BICC1: variants seen among roughly 807,000 people sequenced by gnomAD.
BICC1 encodes protein bicaudal C homolog 1.
In BICC1, 43 loss-of-function variants were observed where a neutral mutation model predicts 111.0. That is an observed-to-expected ratio of 0.39 (90% CI 0.30 to 0.50). The LOEUF is 0.50. Among genes scored for constraint, BICC1 ranks in the 20% least tolerant of loss-of-function variants. The pLI is 0.88. For synonymous variants in BICC1, 467 were observed against 434.4 expected (o/e 1.07, Z -0.93); for missense variants, 1,091 against 1,203.2 (o/e 0.91, Z 1.38).
chr10:58,766,812 G>C (rs1261507747), intron 3 of BICC1, among the ~76,000 whole-genome samples: 1 of 152,034 alleles, frequency 6.6e-6, no homozygotes, highest in Non-Finnish European at 1.5e-5. Flanking sequence ...CTTCTCACAG[G>C]GGGAAAGTTA....
chr10:58,824,407 A>G (rs1844337088), intron 20 of BICC1, among the ~76,000 whole-genome samples: 1 of 152,210 alleles, frequency 6.6e-6, no homozygotes, highest in Non-Finnish European at 1.5e-5. Flanking sequence ...CTTCTCTCCT[A>G]AGACCTATAT....
At chr10:58,810,115 A>G (rs1392159308) in intron 17 of BICC1, among the ~76,000 whole-genome samples, 1 of 152,220 alleles carries the variant, frequency 6.6e-6, no homozygotes, top group Non-Finnish European at 1.5e-5. Flanking sequence ...CTGTAAAGGG[A>G]TGTAACCCTA....
At chr10:58,748,854 G>GCTC (rs1174886470) in intron 3 of BICC1, among the ~76,000 whole-genome samples, 1 of 152,136 alleles carries the variant, frequency 6.6e-6, no homozygotes, top group Non-Finnish European at 1.5e-5. Flanking sequence ...TGCTGCTGCT[G>GCTC]TTTTGGGAAC....
rs1407860848 is a variant in BICC1 at position 58,667,995 on chromosome 10, C to T, written c.238-34079C>T. 2.0e-5 allele frequency among the ~76,000 whole-genome samples: 3 copies of T among 151,978 alleles called. No individual in the cohort carries two copies. The East Asian group carries it at 5.8e-4, about 29-fold the overall frequency. On this transcript the variant is annotated intron_variant, in intron 2 of 20. Coordinates refer to ENST00000373886, the MANE Select transcript of BICC1 (RefSeq NM_001080512.3). ...TTCAATAAAAGTTTTTTTCCTTTGT[C>T]TCATCTTGGCTTACTGTAAATTTTT...
chr10:58,823,352 A>C, intron 20 of BICC1: 5 of 985,338 alleles, frequency 5.1e-6, no homozygotes, highest in Non-Finnish European at 6.0e-6. Flanking sequence ...AAAATATTAG[A>C]GGAGTTTGCC....
At chr10:58,641,968 ATAATT>A (rs1390906226) in intron 2 of BICC1, among the ~76,000 whole-genome samples, 1 of 152,220 alleles carries the variant, frequency 6.6e-6, no homozygotes, top group Non-Finnish European at 1.5e-5. Context: ...TTCAGAGAAA[ATAATT>A]TAACATTGAA....
chr10:58,797,906 C>T (rs1180897961), intron 10 of BICC1, among the ~76,000 whole-genome samples: 2 of 152,038 alleles, frequency 1.3e-5, no homozygotes, highest in Non-Finnish European at 2.9e-5. Flanking sequence ...TTTTGAGATA[C>T]ATTTAGGAAC....
upstream of BICC1, among the ~76,000 whole-genome samples, chr10:58,512,845 T>C (rs1474429886): frequency 6.7e-6 from 1 of 148,610 alleles, no homozygotes; most frequent in Non-Finnish European, 1.5e-5. Flanking sequence ...GCCCTGCGGA[T>C]GGAGGCGCGG....
intron 1 of BICC1, among the ~76,000 whole-genome samples, chr10:58,600,229 T>A (rs1478005470): frequency 6.6e-6 from 1 of 152,084 alleles, no homozygotes. Flanking sequence ...AGCACCCCGT[T>A]TTTCAAAATC....
chr10:58,704,011 T>C (rs1383532948), intron 3 of BICC1, among the ~76,000 whole-genome samples: 1 of 152,204 alleles, frequency 6.6e-6, no homozygotes, highest in East Asian at 1.9e-4. Context: ...GGTGGCAACA[T>C]TAGACATTTC....
chr10:58,782,051 T>C (rs1409434903), intron 3 of BICC1, among the ~76,000 whole-genome samples: 1 of 152,206 alleles, frequency 6.6e-6, no homozygotes, highest in African/African-American at 2.4e-5. Flanking sequence ...TTGTGCCCAC[T>C]GATAATTTAT....
chr10:58,736,627 A>G (rs1361774324), intron 3 of BICC1, among the ~76,000 whole-genome samples: 3 of 152,170 alleles, frequency 2.0e-5, no homozygotes, highest in Non-Finnish European at 4.4e-5. Context: ...TGATTTATTG[A>G]TATGTTTTTA....
chr10:58,526,009 T>C (rs978304518), intron 1 of BICC1, among the ~76,000 whole-genome samples: 1 of 151,916 alleles, frequency 6.6e-6, no homozygotes, highest in African/African-American at 2.4e-5. Context: ...TCTTCGTGAC[T>C]GTATTCTGAG....
chr10:58,817,332 C>G (rs1844124672), intron 18 of BICC1, among the ~76,000 whole-genome samples: 1 of 152,150 alleles, frequency 6.6e-6, no homozygotes, highest in African/African-American at 2.4e-5. Context: ...TGCTGAATTT[C>G]TGCCTCCCAA....
At chr10:58,558,078 C>G (rs1843502844) in intron 1 of BICC1, among the ~76,000 whole-genome samples, 1 of 152,112 alleles carries the variant, frequency 6.6e-6, no homozygotes, top group African/African-American at 2.4e-5. Context: ...AGGCAAAAGC[C>G]TTCTAAGTTT....
intron 1 of BICC1, among the ~76,000 whole-genome samples, chr10:58,524,977 G>C (rs1208446235): frequency 6.6e-6 from 1 of 151,616 alleles, no homozygotes; most frequent in Admixed American, 6.6e-5. Flanking sequence ...ATCATCACTG[G>C]CCATCAGAGA....
intron 20 of BICC1, chr10:58,823,480 C>G (rs1844309565): frequency 2.0e-6 from 2 of 984,466 alleles, no homozygotes; most frequent in South Asian, 4.7e-5. Flanking sequence ...TGTATGTACT[C>G]TCTTAGAAAC....
chr10:58,805,318 A>AG (rs1166798219), intron 15 of BICC1, among the ~76,000 whole-genome samples: 1 of 152,082 alleles, frequency 6.6e-6, no homozygotes, highest in Non-Finnish European at 1.5e-5. Flanking sequence ...AACAAACAAA[A>AG]AAACTGCAAG....
intron 1 of BICC1, among the ~76,000 whole-genome samples, chr10:58,524,412 T>C (rs1842475438): frequency 6.6e-6 from 1 of 152,086 alleles, no homozygotes; most frequent in South Asian, 2.1e-4. Flanking sequence ...TACAACCATC[T>C]GATCTTTGAC....
Sources: allele counts gnomAD v4.1 joint callset (sites outside exome capture counted in the v4.1 genomes callset), GRCh38; gene constraint gnomAD v4.1.1; transcripts MANE v1.5; gene names NCBI Gene and HGNC (gene_info 2026-07-23, HGNC 2026-07-21).